Variants in NTNG1 observed in about 807,000 individuals in gnomAD.
The protein encoded by NTNG1 is netrin-G1.
In NTNG1, 16 loss-of-function variants were observed where a neutral mutation model predicts 54.0. The observed-to-expected ratio is 0.30, with a 90% CI of 0.20 to 0.45. NTNG1 has a LOEUF of 0.45. Among genes scored for constraint, NTNG1 ranks in the 20% least tolerant of loss-of-function variants. The pLI is 1.00. For missense variants in NTNG1, 530 were observed against 678.7 expected (o/e 0.78, Z 2.43); for synonymous variants, 255 against 263.1 (o/e 0.97, Z 0.30).
intron 2 of NTNG1, among the ~76,000 whole-genome samples, chr1:107,191,762 G>C (rs1657951004): frequency 6.6e-6 from 1 of 151,420 alleles, no homozygotes; most frequent in Non-Finnish European, 1.5e-5. Flanking sequence ...ATTTCTGAGG[G>C]CTCTGTTCTG....
intron 5 of NTNG1, chr1:107,410,610 T>C (rs1357596315): frequency 6.6e-6 from 1 of 152,198 alleles, no homozygotes; most frequent in Admixed American, 6.5e-5. Flanking sequence ...TGTTTTCACT[T>C]TACCTGATGT....
At chr1:107,297,216 C>CATATATATATATATAT (rs755223720) in intron 2 of NTNG1, among the ~76,000 whole-genome samples, 18 of 15,484 alleles carry the variant, frequency 1.2e-3, no homozygotes, top group African/African-American at 1.9e-3. Flanking sequence ...TATATACCAT[C>CATATATATATATATAT]ATATATATAT....
At position 107,407,195 on chromosome 1, in the gene NTNG1, G is replaced by A. The variant is rs117261312; in HGVS notation, c.1061-487G>A. Among the ~76,000 whole-genome samples, 561 of 152,178 alleles carry A rather than the reference G, an allele frequency of 3.7e-3. 7 individuals are homozygous for A. The East Asian group carries it at 0.051, about 14-fold the overall frequency. ...TGAAATTAATCAAATAAAATGCCAC[G>A]TGATTTTCAACAGCTAACACATGCA... On this transcript the variant is annotated intron_variant, in intron 4 of 7. Transcript: ENST00000370068.
rs550689175 is a variant in NTNG1, at chr1:107,188,087, T to A, written c.246+39248T>A. Among the ~76,000 whole-genome samples the A allele has an allele frequency of 3.9e-5, 6 of 152,178 alleles. No homozygotes were observed. In the East Asian group the frequency reaches 9.7e-4, roughly 25 times the overall value. On this transcript the variant is annotated intron_variant, in intron 2 of 7. Transcript: ENST00000370068. Reference sequence around the variant, plus strand: ...TTTTTTTTTGACAACTATGTGCCACTCAGCGTTGCTGATTACATCTTATTT... The same window carrying A: ...TTTTTTTTTGACAACTATGTGCCACACAGCGTTGCTGATTACATCTTATTT...
At chr1:107,478,142 T>A (rs1197759974) in intron 7 of NTNG1, among the ~76,000 whole-genome samples, 1 of 152,308 alleles carries the variant, frequency 6.6e-6, no homozygotes, top group East Asian at 1.9e-4. Flanking sequence ...GTAAGATCCA[T>A]AATTAGGTTA....
At chr1:107,420,904 G>A (rs981259983) in intron 5 of NTNG1, among the ~76,000 whole-genome samples, 3 of 151,902 alleles carry the variant, frequency 2.0e-5, no homozygotes, top group Non-Finnish European at 4.4e-5. Context: ...TGACAATGTT[G>A]AACCATTTTC....
Position 107,447,304 on chromosome 1 carries a change from A to G in NTNG1, c.1390+10505A>G, listed in dbSNP as rs550639538. On this transcript the variant is annotated intron_variant, in intron 7 of 7. Transcript: ENST00000370068. Reference sequence around the variant, plus strand: ...CTATGTTCCCACAGATGTTGAATGCAAAAAGACAAAGTTAGGGAGTTTACA... The same window carrying G: ...CTATGTTCCCACAGATGTTGAATGCGAAAAGACAAAGTTAGGGAGTTTACA... 2.0e-5 allele frequency among the ~76,000 whole-genome samples: 3 copies of G among 152,224 alleles called. No homozygotes were observed. In the East Asian group the frequency reaches 5.8e-4, roughly 29 times the overall value.
At chr1:107,219,034 C>T (rs1369729557) in intron 2 of NTNG1, among the ~76,000 whole-genome samples, 3 of 152,098 alleles carry the variant, frequency 2.0e-5, no homozygotes, top group Non-Finnish European at 4.4e-5. Flanking sequence ...TATCTTCTTC[C>T]TCAGGAACAC....
chr1:107,465,156 T>A lies in NTNG1; in HGVS notation c.1391-15455T>A, dbSNP rs1244117057. Among the ~76,000 whole-genome samples, 5 of 152,290 alleles carry A rather than the reference T, an allele frequency of 3.3e-5. No individual in the cohort carries two copies. The East Asian group carries it at 5.8e-4, about 18-fold the overall frequency. ...AATTACAGTCTCAGGAATTACTGAA[T>A]CCTTCCATGACCTTAGAAATGCAGA... On this transcript the variant is annotated intron_variant, in intron 7 of 7. Transcript: ENST00000370068.
chr1:107,335,416 G>T (rs566800004), intron 3 of NTNG1, among the ~76,000 whole-genome samples: 1 of 152,096 alleles, frequency 6.6e-6, no homozygotes, highest in Admixed American at 6.6e-5. Context: ...GAGCTGAGGA[G>T]ACATGGAAAC....
intron 3 of NTNG1, among the ~76,000 whole-genome samples, chr1:107,343,992 A>G (rs1669073429): frequency 6.6e-6 from 1 of 152,086 alleles, no homozygotes. Flanking sequence ...GGAATACTGA[A>G]TTGGATTCCA....
intron 3 of NTNG1, among the ~76,000 whole-genome samples, chr1:107,376,573 A>G (rs1671274506): frequency 6.6e-6 from 1 of 152,076 alleles, no homozygotes; most frequent in African/African-American, 2.4e-5. Flanking sequence ...GATCCTACCC[A>G]CTCTGCCGTG....
At chr1:107,293,407 T>C (rs1265290882) in intron 2 of NTNG1, among the ~76,000 whole-genome samples, 1 of 152,212 alleles carries the variant, frequency 6.6e-6, no homozygotes, top group Non-Finnish European at 1.5e-5. Flanking sequence ...GCTAAATTCA[T>C]GAAGGCACCC....
intron 7 of NTNG1, among the ~76,000 whole-genome samples, chr1:107,468,765 C>A (rs1558022412): frequency 6.6e-6 from 1 of 152,084 alleles, no homozygotes; most frequent in Non-Finnish European, 1.5e-5. Context: ...CTAGCAATGC[C>A]CAGATTATAA....
At chr1:107,175,772 T>C (rs1283454701) in intron 2 of NTNG1, among the ~76,000 whole-genome samples, 1 of 152,206 alleles carries the variant, frequency 6.6e-6, no homozygotes, top group Admixed American at 6.5e-5. Context: ...ATGGAAATTC[T>C]CTAGGACACC....
intron 3 of NTNG1, among the ~76,000 whole-genome samples, chr1:107,334,283 T>C (rs747318952): frequency 1.3e-5 from 2 of 152,030 alleles, no homozygotes; most frequent in African/African-American, 2.4e-5. Context: ...AACTGAACAT[T>C]GTATATAGCT....
chr1:107,284,660 G>A lies in NTNG1; in HGVS notation c.247-39622G>A, dbSNP rs1284131971. Among the ~76,000 whole-genome samples, 4 of 151,986 alleles carry A rather than the reference G, an allele frequency of 2.6e-5. No individual in the cohort carries two copies. In the East Asian group the frequency reaches 7.7e-4, roughly 29 times the overall value. On this transcript the variant is annotated intron_variant, in intron 2 of 7. Transcript: ENST00000370068. ...TATATATATACTATAATCTGACTGT[G>A]TTTTTTAAAAAATATGCATAAGAAA...
chr1:107,421,727 C>T (rs1488560955), intron 5 of NTNG1, among the ~76,000 whole-genome samples: 1 of 152,098 alleles, frequency 6.6e-6, no homozygotes, highest in Admixed American at 6.6e-5. Context: ...ATGAATGGCC[C>T]ATTCCAGCTA....
intron 3 of NTNG1, among the ~76,000 whole-genome samples, chr1:107,376,356 C>G (rs144335401): frequency 6.0e-5 from 9 of 150,704 alleles, no homozygotes; most frequent in Non-Finnish European, 1.0e-4. Flanking sequence ...TACAGTGAGC[C>G]GAGGTCGCGC....
Sources: gnomAD v4.1 joint callset for allele counts (sites outside exome capture counted in the v4.1 genomes callset) on GRCh38, gnomAD v4.1.1 for gene constraint, MANE v1.5 for transcripts, NCBI Gene and HGNC (gene_info 2026-07-23, HGNC 2026-07-21) for gene names.